Variants in ZNF600 observed in about 807,000 individuals in gnomAD.
ZNF600 encodes zinc finger protein 600.
In ZNF600, 4 loss-of-function variants were observed where a neutral mutation model predicts 7.3. That is an observed-to-expected ratio of 0.55 (90% CI 0.27 to 1.25). ZNF600 has a LOEUF of 1.25. Ranked by LOEUF, ZNF600 falls within the 50% of genes most tolerant of loss-of-function variation. The pLI, the probability that ZNF600 is intolerant of heterozygous loss-of-function variation, is 0.12. For synonymous variants in ZNF600, 290 were observed against 308.9 expected (o/e 0.94, Z 0.64); for missense variants, 911 against 922.1 (o/e 0.99, Z 0.16).
the ZNF600 span, among the ~76,000 whole-genome samples, chr19:52,831,441 C>G: frequency 1.3e-5 from 2 of 152,118 alleles, no homozygotes; most frequent in East Asian, 3.9e-4. Context: ...TCCCGAGTAG[C>G]TGGGATAACA....
At chr19:52,767,378 T>C (rs1341202641) in exon 4 of ZNF600, 1 of 1,613,974 alleles carries the variant, frequency 6.2e-7, no homozygotes, top group African/African-American at 1.3e-5. Flanking sequence ...TAGGAGAAAT[T>C]CTTTGGGATG....
At chr19:52,774,775 A>G (rs1250226949) in intron 2 of ZNF600, 74 bp from the exon 5 acceptor site, 6 of 985,260 alleles carry the variant, frequency 6.1e-6, no homozygotes, top group South Asian at 4.7e-5. Flanking sequence ...ATGAGAAAAG[A>G]GAAAATAAGT....
At chr19:52,788,268 G>A (rs1036290382), upstream of ZNF600, among the ~76,000 whole-genome samples, 20 of 152,122 alleles carry the variant, frequency 1.3e-4, no homozygotes, top group Admixed American at 3.3e-4. Flanking sequence ...CAGAAGACTG[G>A]CTACTACAAT....
chr19:52,787,401 CTT>C (rs1167453014), upstream of ZNF600, among the ~76,000 whole-genome samples: 231 of 114,814 alleles, frequency 2.0e-3, no homozygotes, highest in African/African-American at 5.3e-3. Flanking sequence ...CGCTCTTTTA[CTT>C]TTTTTTTTTT....
chr19:52,789,132 A>T (rs1188011759), upstream of ZNF600, among the ~76,000 whole-genome samples: 1 of 152,224 alleles, frequency 6.6e-6, no homozygotes, highest in East Asian at 1.9e-4. Context: ...TCATAGAAAA[A>T]GTGATGTCAG....
chr19:52,768,070 T>G (rs1357419545), intron 3 of ZNF600, among the ~76,000 whole-genome samples: 2 of 151,448 alleles, frequency 1.3e-5, no homozygotes, highest in Non-Finnish European at 2.9e-5. Context: ...TATCACAATT[T>G]GCAAAAAACA....
At chr19:52,821,775 G>A in the ZNF600 span, 29 of 152,170 alleles carry the variant, frequency 1.9e-4, no homozygotes, top group Admixed American at 1.8e-3. Context: ...GGCCGGAGCG[G>A]GACCTGTGAG....
the ZNF600 span, among the ~76,000 whole-genome samples, chr19:52,817,162 C>T: frequency 2.0e-5 from 3 of 152,052 alleles, no homozygotes; most frequent in South Asian, 4.1e-4. Context: ...CGCCTGAGGT[C>T]GGGAGTTTGA....
chr19:52,793,659 C>CG, the ZNF600 span, among the ~76,000 whole-genome samples: 30 of 151,676 alleles, frequency 2.0e-4, no homozygotes, highest in African/African-American at 7.0e-4. Flanking sequence ...CCCAGCTACT[C>CG]GGGGGGCAGA....
At chr19:52,777,309 C>T (rs2062683993) in intron 2 of ZNF600, among the ~76,000 whole-genome samples, 2 of 152,020 alleles carry the variant, frequency 1.3e-5, no homozygotes, top group Admixed American at 6.6e-5. Context: ...AGCCAGAAGG[C>T]AGAGGGGCAG....
chr19:52,798,713 T>C, the ZNF600 span: 6 of 466,844 alleles, frequency 1.3e-5, no homozygotes, highest in Middle Eastern at 3.4e-4. Context: ...ATGAGTTCGA[T>C]GATGAATAGC....
At chr19:52,821,922 AAAAAAATAAT>A in the ZNF600 span, among the ~76,000 whole-genome samples, 1 of 104,788 alleles carries the variant, frequency 9.5e-6, no homozygotes, top group East Asian at 2.1e-4. Context: ...ATAAAAAAAT[AAAAAAATAAT>A]AAAAAAAAAA....
the ZNF600 span, chr19:52,821,757 G>A: frequency 1.3e-5 from 2 of 152,186 alleles, no homozygotes; most frequent in Non-Finnish European, 2.9e-5. Flanking sequence ...AGAACCCGCA[G>A]AGGGCGGGGC....
chr19:52,771,995 C>A (rs1277232449), intron 3 of ZNF600, among the ~76,000 whole-genome samples: 1 of 152,192 alleles, frequency 6.6e-6, no homozygotes, highest in South Asian at 2.1e-4. Flanking sequence ...TGAAGGCTGA[C>A]AAATCTTATT....
the ZNF600 span, among the ~76,000 whole-genome samples, chr19:52,791,848 ACAGACC>A: frequency 6.6e-6 from 1 of 152,152 alleles, no homozygotes; most frequent in African/African-American, 2.4e-5. Flanking sequence ...CCTTCAGGGC[ACAGACC>A]CATCCCTGAT....
intron 3 of ZNF600, among the ~76,000 whole-genome samples, chr19:52,768,541 C>CA (rs904103012): frequency 6.6e-6 from 1 of 151,252 alleles, no homozygotes; most frequent in Non-Finnish European, 1.5e-5. Context: ...AATGACTTTT[C>CA]AAAAAATTTT....
At chr19:52,795,199 A>G in the ZNF600 span, among the ~76,000 whole-genome samples, 1 of 152,186 alleles carries the variant, frequency 6.6e-6, no homozygotes, top group Non-Finnish European at 1.5e-5. Flanking sequence ...TTAAAAGCTC[A>G]CAGCTCACTA....
chr19:52,817,948 G>T, the ZNF600 span: 1 of 1,610,882 alleles, frequency 6.2e-7, no homozygotes, highest in Non-Finnish European at 8.5e-7. Flanking sequence ...TCTCACCTGA[G>T]GAAGAGCCAT....
chr19:52,772,581 C>A (rs1387058044), intron 3 of ZNF600, among the ~76,000 whole-genome samples: 15 of 152,172 alleles, frequency 9.9e-5, no homozygotes, highest in Non-Finnish European at 1.6e-4. Flanking sequence ...TAAGCCTGGG[C>A]AACAGGAGCA....
Sources: gnomAD v4.1 joint callset for allele counts (sites outside exome capture counted in the v4.1 genomes callset) on GRCh38, gnomAD v4.1.1 for gene constraint, MANE v1.5 for transcripts, NCBI Gene and HGNC (gene_info 2026-07-23, HGNC 2026-07-21) for gene names.